SH3BGRL2: variants seen among roughly 807,000 people sequenced by gnomAD.
SH3BGRL2 encodes the protein SH3 domain-binding glutamic acid-rich-like protein 2.
SH3BGRL2 carries 21 observed loss-of-function variants against 14.8 expected under a neutral mutation model. The ratio of observed to expected loss-of-function variants is 1.42; its 90% confidence interval spans 1.01 to 2.05. The LOEUF (loss-of-function observed/expected upper bound fraction) is 2.05. Among genes scored for constraint, SH3BGRL2 ranks in the 30% most tolerant of loss-of-function variants. The pLI, the probability that SH3BGRL2 is intolerant of heterozygous loss-of-function variation, is 0.00. For missense variants in SH3BGRL2, 147 were observed against 130.8 expected, an observed-to-expected ratio of 1.12 and a Z score of -0.61; for synonymous variants, 50 against 47.8, an observed-to-expected ratio of 1.05 and a Z score of -0.19.
At chr6:79,650,999 CT>C (rs1253336540) in intron 1 of SH3BGRL2, among the ~76,000 whole-genome samples, 3 of 151,388 alleles carry the variant, frequency 2.0e-5, no homozygotes. Context: ...TCATCCTGTT[CT>C]TTATTATTTT....
chr6:79,581,374 A>G, the SH3BGRL2 span, among the ~76,000 whole-genome samples: 5 of 152,132 alleles, frequency 3.3e-5, no homozygotes, highest in Admixed American at 2.6e-4. Context: ...GATGAACATC[A>G]ATGCAAAAAT....
intron 1 of SH3BGRL2, among the ~76,000 whole-genome samples, chr6:79,659,493 C>T (rs1448101037): frequency 6.6e-6 from 1 of 152,112 alleles, no homozygotes; most frequent in Non-Finnish European, 1.5e-5. Context: ...TTCCATTGGT[C>T]TATATCTCTG....
At chr6:79,642,730 A>G (rs1769056966) in intron 1 of SH3BGRL2, among the ~76,000 whole-genome samples, 1 of 152,216 alleles carries the variant, frequency 6.6e-6, no homozygotes, top group Non-Finnish European at 1.5e-5. Context: ...AAGGAATATG[A>G]AACACCAAGT....
the SH3BGRL2 span, among the ~76,000 whole-genome samples, chr6:79,595,361 G>A: frequency 2.0e-5 from 3 of 152,068 alleles, no homozygotes; most frequent in Admixed American, 2.0e-4. Context: ...CTACAAATTT[G>A]GGGGAAATAT....
the SH3BGRL2 span, among the ~76,000 whole-genome samples, chr6:79,590,466 C>CATATATATAT: frequency 2.1e-5 from 1 of 48,086 alleles, no homozygotes; most frequent in Non-Finnish European, 4.0e-5. Flanking sequence ...TATATATATG[C>CATATATATAT]GCCATGGAAT....
chr6:79,607,584 T>A, the SH3BGRL2 span, among the ~76,000 whole-genome samples: 3 of 152,156 alleles, frequency 2.0e-5, no homozygotes, highest in Non-Finnish European at 4.4e-5. Flanking sequence ...CTGTACCCAC[T>A]GCAGATGCAC....
At chr6:79,660,351 G>A (rs992280618) in intron 1 of SH3BGRL2, among the ~76,000 whole-genome samples, 43 of 152,116 alleles carry the variant, frequency 2.8e-4, no homozygotes, top group Non-Finnish European at 5.4e-4. Flanking sequence ...AAGTGTGAAG[G>A]GCTGTTGAAT....
chr6:79,680,320 A>G (rs1434781315), intron 2 of SH3BGRL2, among the ~76,000 whole-genome samples: 1 of 152,062 alleles, frequency 6.6e-6, no homozygotes, highest in East Asian at 1.9e-4. Context: ...AGTTTTCCCA[A>G]TACTGTTGAA....
the SH3BGRL2 span, among the ~76,000 whole-genome samples, chr6:79,615,832 C>CAT: frequency 9.2e-6 from 1 of 109,238 alleles, no homozygotes. Flanking sequence ...TTTTTTCTTT[C>CAT]TTTTTTTTTT....
chr6:79,680,329 A>G (rs1769964689), intron 2 of SH3BGRL2, among the ~76,000 whole-genome samples: 1 of 152,122 alleles, frequency 6.6e-6, no homozygotes, highest in African/African-American at 2.4e-5. Flanking sequence ...AATACTGTTG[A>G]AGAGACCATC....
chr6:79,671,334 G>A (rs1769769731), intron 1 of SH3BGRL2, among the ~76,000 whole-genome samples: 1 of 152,114 alleles, frequency 6.6e-6, no homozygotes, highest in Admixed American at 6.6e-5. Flanking sequence ...AGGCGTGATG[G>A]CACATACTGG....
chr6:79,633,479 A>G (rs1291786209), intron 1 of SH3BGRL2, among the ~76,000 whole-genome samples: 1 of 152,188 alleles, frequency 6.6e-6, no homozygotes, highest in East Asian at 1.9e-4. Context: ...TATACCTATT[A>G]GTCTTCTTTC....
At chr6:79,540,250 C>G in the SH3BGRL2 span, among the ~76,000 whole-genome samples, 2 of 152,048 alleles carry the variant, frequency 1.3e-5, no homozygotes, top group South Asian at 4.2e-4. Flanking sequence ...CTGGCTAACA[C>G]AGTAAAACCC....
chr6:79,553,156 C>T, the SH3BGRL2 span: 21 of 152,144 alleles, frequency 1.4e-4, no homozygotes, highest in African/African-American at 5.1e-4. Flanking sequence ...AGAAAGAAAA[C>T]ACAGGGTGAG....
chr6:79,681,523 T>C (rs551899325), intron 2 of SH3BGRL2, among the ~76,000 whole-genome samples: 1 of 152,224 alleles, frequency 6.6e-6, no homozygotes, highest in South Asian at 2.1e-4. Context: ...AGCAGGAGTA[T>C]GAAGGGTAAA....
chr6:79,612,474 A>G, the SH3BGRL2 span, among the ~76,000 whole-genome samples: 1 of 152,120 alleles, frequency 6.6e-6, no homozygotes, highest in Non-Finnish European at 1.5e-5. Flanking sequence ...GATTATTATC[A>G]TGGATCTAAC....
At chr6:79,605,479 A>T in the SH3BGRL2 span, among the ~76,000 whole-genome samples, 1 of 152,240 alleles carries the variant, frequency 6.6e-6, no homozygotes, top group Non-Finnish European at 1.5e-5. Flanking sequence ...TTAGACAAAG[A>T]TTAAGAAGAT....
the SH3BGRL2 span, among the ~76,000 whole-genome samples, chr6:79,572,758 C>T: frequency 1.3e-5 from 2 of 152,294 alleles, no homozygotes; most frequent in East Asian, 1.9e-4. Flanking sequence ...AGCCACTGCG[C>T]CTGGCCTATT....
chr6:79,588,505 A>G, the SH3BGRL2 span, among the ~76,000 whole-genome samples: 6 of 152,168 alleles, frequency 3.9e-5, no homozygotes, highest in Non-Finnish European at 8.8e-5. Flanking sequence ...GCTTTGAAGT[A>G]GAAGCGGGAA....
Sources: gnomAD v4.1 joint callset for allele counts (sites outside exome capture counted in the v4.1 genomes callset) on GRCh38, gnomAD v4.1.1 for gene constraint, MANE v1.5 for transcripts, NCBI Gene and HGNC (gene_info 2026-07-23, HGNC 2026-07-21) for gene names.